Variants in BANP observed in about 807,000 individuals in gnomAD.
BANP encodes BTG3 associated nuclear protein, also known as protein BANP.
Under a neutral mutation model 68.1 loss-of-function variants are expected in BANP, and 11 were observed. That is an observed-to-expected ratio of 0.16 (90% confidence interval 0.10 to 0.27). The LOEUF is 0.27. Ranked by LOEUF, BANP falls within the 10% of genes least tolerant of loss-of-function variation. BANP has a pLI of 1.00. For synonymous variants in BANP, 329 were observed against 303.2 expected, an observed-to-expected ratio of 1.09 and a Z score of -0.88; for missense variants, 504 against 722.7, an observed-to-expected ratio of 0.70 and a Z score of 3.47.
At chr16:87,952,409 G>C (rs1418249942) in intron 1 of BANP, 5 of 152,232 alleles carry the variant, frequency 3.3e-5, no homozygotes, top group Non-Finnish European at 7.3e-5. Flanking sequence ...TGTTGATGTG[G>C]AACAGGTAAT....
Position 88,064,432 on chromosome 16 carries a change from G to A in BANP, c.1312-835G>A, listed in dbSNP as rs372960329. Among the ~76,000 whole-genome samples, 1 of 152,204 alleles carries A rather than the reference G, an allele frequency of 6.6e-6. No individual in the cohort carries two copies. Among genetic ancestry groups the A allele is most frequent in the Non-Finnish European group, 1.5e-5 (1 of 68,024 alleles). On this transcript the variant is annotated intron_variant, in intron 11 of 13. Transcript: ENST00000682872. This position sits in a 1 kb window ranked among gnomAD's most constrained non-coding sequence, Gnocchi z 4.5. ...GCTTTTATTTGGAGGACAGATGTGC[G>A]CATTCACTTAGGGTCCAAGAAATGA...
chr16:88,007,636 C>T (rs1167843619), intron 6 of BANP, among the ~76,000 whole-genome samples: 1 of 152,248 alleles, frequency 6.6e-6, no homozygotes, highest in African/African-American at 2.4e-5. Context: ...AGGAAGAACT[C>T]AGTTTTTCTG....
At chr16:88,015,986 T>C (rs1405605289) in intron 6 of BANP, among the ~76,000 whole-genome samples, 3 of 152,210 alleles carry the variant, frequency 2.0e-5, no homozygotes, top group African/African-American at 4.8e-5. Flanking sequence ...CCGGGGACCT[T>C]GCAGTGGGAC....
At chr16:88,075,075 G>A (rs1417047722) in intron 13 of BANP, among the ~76,000 whole-genome samples, 1 of 152,194 alleles carries the variant, frequency 6.6e-6, no homozygotes, top group Non-Finnish European at 1.5e-5. Context: ...GCCGGGCACG[G>A]TAGCTCACGC....
At chr16:88,067,080 G>T (rs1213546713) in intron 12 of BANP, among the ~76,000 whole-genome samples, 2 of 152,212 alleles carry the variant, frequency 1.3e-5, no homozygotes, top group Non-Finnish European at 2.9e-5. Flanking sequence ...TTATTAATTG[G>T]TGTTGGACAC....
chr16:88,025,513 C>T (rs2076820396), intron 7 of BANP, among the ~76,000 whole-genome samples: 1 of 152,218 alleles, frequency 6.6e-6, no homozygotes, highest in African/African-American at 2.4e-5. Context: ...AAATGTGCTG[C>T]CGAAACCACT....
In BANP at chr16:88,004,430, AC is replaced by A; in HGVS notation, c.479+23del. Reference sequence around the variant, plus strand: ...TTAGCAAGTCAGTAGCACGGCACCAACCCCACCTTTCCCTGCCACTGTGCGG... The same window carrying A: ...TTAGCAAGTCAGTAGCACGGCACCAACCCACCTTTCCCTGCCACTGTGCGG... On this transcript the variant is annotated intron_variant, in intron 5 of 13. Transcript: ENST00000682872. This position sits in a 1 kb window ranked among gnomAD's most constrained non-coding sequence, Gnocchi z 7.0. 1 of 1,347,820 alleles carries A rather than the reference AC, an allele frequency of 7.4e-7. No individual in the cohort carries two copies. Among genetic ancestry groups the A allele is most frequent in the Non-Finnish European group, 1.0e-6 (1 of 975,832 alleles). 83.5% of individuals were successfully genotyped at this position (1,347,820 alleles called of 1,614,324 possible). A position where few individuals can be genotyped will look rare whatever the true frequency, so the allele number is the denominator to read the frequency against.
At chr16:88,035,794 C>A (rs568679409) in intron 10 of BANP, among the ~76,000 whole-genome samples, 1 of 152,340 alleles carries the variant, frequency 6.6e-6, no homozygotes, top group Non-Finnish European at 1.5e-5. Flanking sequence ...CATGTGGCCC[C>A]AGCTTCCTAG....
At chr16:88,041,626 G>A (rs993203882) in intron 11 of BANP, among the ~76,000 whole-genome samples, 4 of 152,190 alleles carry the variant, frequency 2.6e-5, no homozygotes, top group African/African-American at 9.7e-5. Flanking sequence ...TGTCTGCTCT[G>A]ATACTGAGGT....
At chr16:88,061,591 G>A (rs887811763) in intron 11 of BANP, among the ~76,000 whole-genome samples, 9 of 152,208 alleles carry the variant, frequency 5.9e-5, no homozygotes, top group Admixed American at 2.0e-4. Context: ...TTTCTTGTAG[G>A]AACGTAGGAG....
Position 88,064,183 on chromosome 16 carries a change from G to T in BANP, c.1312-1084G>T, listed in dbSNP as rs1392159758. On this transcript the variant is annotated intron_variant, in intron 11 of 13. Coordinates refer to ENST00000682872, the MANE Select transcript of BANP (RefSeq NM_001386991.1). The surrounding 1 kb of genome is among the most constrained non-coding windows in gnomAD (Gnocchi z 4.5). The stretch of plus-strand genomic sequence containing the variant: ...CACGAGGCTGGGGCAGGAGGTGTCG[G>T]GGGCTTGAGAGGCGCAGGGGAGCAG... Among the ~76,000 whole-genome samples, 2 of 151,678 alleles carry T rather than the reference G, an allele frequency of 1.3e-5. No individual in the cohort carries two copies. The highest frequency in any genetic ancestry group is 6.6e-5 in the Admixed American group (1 of 15,232).
intron 11 of BANP, among the ~76,000 whole-genome samples, chr16:88,052,398 G>A (rs76186566): frequency 0.022 from 3,381 of 151,528 alleles, 127 homozygotes; most frequent in African/African-American, 0.078. Context: ...GATTAAATTT[G>A]GTGACTAGGT....
At chr16:87,986,893 T>C (rs1355235559) in intron 4 of BANP, among the ~76,000 whole-genome samples, 4 of 152,160 alleles carry the variant, frequency 2.6e-5, no homozygotes, top group Admixed American at 6.5e-5. Flanking sequence ...AATCAACCTA[T>C]TGTAGAATAT....
chr16:87,998,753 C>T (rs62049274), intron 4 of BANP, among the ~76,000 whole-genome samples: 43,531 of 135,310 alleles, frequency 0.32, 8,629 homozygotes, highest in Non-Finnish European at 0.44. Flanking sequence ...CCTGTCTTTC[C>T]AGACACCCAG....
chr16:87,979,121 G>C (rs114963280), intron 2 of BANP, among the ~76,000 whole-genome samples: 2,989 of 152,260 alleles, frequency 0.02, 86 homozygotes, highest in African/African-American at 0.067. Flanking sequence ...TTAAGTTTCA[G>C]AGTTTTGAGA....
intron 4 of BANP, among the ~76,000 whole-genome samples, chr16:87,984,513 G>A (rs1215891485): frequency 6.6e-6 from 1 of 152,164 alleles, no homozygotes; most frequent in Non-Finnish European, 1.5e-5. Context: ...CTTTTCTTTG[G>A]AACTAACCCA....
chr16:88,062,501 T>C (rs1400115201), intron 11 of BANP, among the ~76,000 whole-genome samples: 1 of 152,236 alleles, frequency 6.6e-6, no homozygotes, highest in Non-Finnish European at 1.5e-5. Flanking sequence ...TTCAAAAATG[T>C]TCAGGGGAAA....
chr16:88,045,228 C>A (rs926415491), intron 11 of BANP, among the ~76,000 whole-genome samples: 5 of 152,186 alleles, frequency 3.3e-5, no homozygotes, highest in African/African-American at 1.2e-4. Context: ...TGAAGTTTTC[C>A]TGAGAACTGC....
chr16:87,988,348 C>T (rs1158069992), intron 4 of BANP, among the ~76,000 whole-genome samples: 1 of 152,172 alleles, frequency 6.6e-6, no homozygotes, highest in Non-Finnish European at 1.5e-5. Flanking sequence ...ACTGCAACCT[C>T]TGCCTCCCAG....
Sources: gnomAD v4.1 joint callset for allele counts (sites outside exome capture counted in the v4.1 genomes callset) on GRCh38, gnomAD v4.1.1 for gene constraint, Gnocchi (gnomAD v3.1) non-coding constraint, MANE v1.5 for transcripts, NCBI Gene and HGNC (gene_info 2026-07-23, HGNC 2026-07-21) for gene names.